The following FLRT2 variants were observed in gnomAD, a reference collection of about 807,000 sequenced individuals.
The protein encoded by FLRT2 is fibronectin leucine rich transmembrane protein 2.
FLRT2 carries 15 observed loss-of-function variants against 40.0 expected under a neutral mutation model. That is an observed-to-expected ratio of 0.38 (90% CI 0.25 to 0.58). The LOEUF is 0.58. FLRT2 is among the 20% of genes least tolerant of loss of function. FLRT2 has a pLI of 0.71. For synonymous variants in FLRT2, 380 were observed against 336.8 expected (o/e 1.13, Z -1.41); for missense variants, 726 against 840.0 (o/e 0.86, Z 1.68).
Position 85,643,285 on chromosome 14 carries a change from TC to T in FLRT2, c.*19789del, listed in dbSNP as rs1292001485. Reference sequence around the variant, plus strand: ...CTCATGAGAGAGTTCAGAGGGTATTTCTTTTTTTTCTTTCTTTCTTTCTTTC... The same window carrying T: ...CTCATGAGAGAGTTCAGAGGGTATTTTTTTTTTTCTTTCTTTCTTTCTTTC... On this transcript the variant is annotated 3_prime_UTR_variant, in exon 2 of 2. Coordinates refer to ENST00000330753, the MANE Select transcript of FLRT2 (RefSeq NM_013231.6). The T allele has an allele frequency of 6.7e-6, 1 of 148,210 alleles. No individual in the cohort carries two copies. Among genetic ancestry groups the T allele is most frequent in the Admixed American group, 6.7e-5 (1 of 14,868 alleles). 9.2% of individuals were successfully genotyped at this position (148,210 alleles called of 1,614,324 possible).
rs57402756 is a variant in FLRT2 at position 85,627,578 on chromosome 14, A to ACG, written c.*4082_*4083insGC. 3.4e-5 allele frequency: 2 copies of ACG among 58,054 alleles called. No individual in the cohort carries two copies. The highest frequency in any genetic ancestry group is 9.2e-5 in the Non-Finnish European group (2 of 21,754). The allele number at this position is 58,054 out of a possible 1,614,324, so 3.6% of individuals were successfully genotyped here. Reference sequence around the variant, plus strand: ...TATTATCAAACATGCACATGCTTGTACACACACACACACACACACACAAAC... The same window carrying ACG: ...TATTATCAAACATGCACATGCTTGTACGCACACACACACACACACACACAAAC... On this transcript the variant is annotated 3_prime_UTR_variant, in exon 2 of 2. Transcript: ENST00000330753.
intron 1 of FLRT2, among the ~76,000 whole-genome samples, chr14:85,538,285 A>T (rs1046592648): frequency 6.6e-6 from 1 of 152,162 alleles, no homozygotes. Context: ...TTGGAAAGTC[A>T]AAAGGACACG....
chr14:85,567,420 G>T (rs1384804438), intron 1 of FLRT2, among the ~76,000 whole-genome samples: 1 of 152,100 alleles, frequency 6.6e-6, no homozygotes, highest in East Asian at 1.9e-4. Context: ...ACATTATGCT[G>T]GTTAAGAGCA....
chr14:85,541,635 G>C (rs1888990370), intron 1 of FLRT2, among the ~76,000 whole-genome samples: 1 of 152,132 alleles, frequency 6.6e-6, no homozygotes, highest in Admixed American at 6.6e-5. Context: ...CATAGGAGAG[G>C]CCTAATGAAT....
rs1306323249 is a variant in FLRT2, at chr14:85,647,649, G to A, written c.*24152G>A. 1 of 126,630 alleles carries A rather than the reference G, an allele frequency of 7.9e-6. No homozygotes were observed. Among genetic ancestry groups the A allele is most frequent in the Non-Finnish European group, 1.6e-5 (1 of 61,196 alleles). The allele number at this position is 126,630 out of a possible 1,614,324, so 7.8% of individuals were successfully genotyped here. On this transcript the variant is annotated 3_prime_UTR_variant, in exon 2 of 2. Coordinates refer to ENST00000330753, the MANE Select transcript of FLRT2 (RefSeq NM_013231.6). ...TGGAACAATTGGTCCTGATTATTAA[G>A]GAGAGTAAGTTTTTCCTACAAAGAG...
intron 1 of FLRT2, among the ~76,000 whole-genome samples, chr14:85,587,582 T>A (rs1346239866): frequency 6.6e-6 from 1 of 152,218 alleles, no homozygotes; most frequent in East Asian, 1.9e-4. Flanking sequence ...CATGAATTTT[T>A]TTTTTTTCTA....
intron 1 of FLRT2, among the ~76,000 whole-genome samples, chr14:85,542,834 A>C (rs995673411): frequency 1.3e-5 from 2 of 152,174 alleles, no homozygotes; most frequent in Non-Finnish European, 2.9e-5. Context: ...GATTTGACAA[A>C]GATTGAGTCC....
At chr14:85,538,860 G>A (rs571417813) in intron 1 of FLRT2, among the ~76,000 whole-genome samples, 1 of 152,208 alleles carries the variant, frequency 6.6e-6, no homozygotes, top group African/African-American at 2.4e-5. Context: ...GTCACTCTTA[G>A]CCCCAGCTGC....
intron 1 of FLRT2, among the ~76,000 whole-genome samples, chr14:85,583,632 G>C (rs551570390): frequency 4.1e-4 from 62 of 152,220 alleles, no homozygotes; most frequent in African/African-American, 1.4e-3. Context: ...AGAGCTCCTG[G>C]TCCGCTTAAA....
In FLRT2 at chr14:85,628,505, T is replaced by C. The variant is rs1406489516; in HGVS notation, c.*5008T>C. ...CATAGTACTTTTCTGCCGCAGAATT[T>C]ATAGCACATCTGTCCATCCTTTCAA... On this transcript the variant is annotated 3_prime_UTR_variant, in exon 2 of 2. Transcript: ENST00000330753. The C allele has an allele frequency of 6.6e-6, 1 of 152,178 alleles. No homozygotes were observed. The allele number at this position is 152,178 out of a possible 1,614,324, so 9.4% of individuals were successfully genotyped here.
At chr14:85,577,236 T>G (rs997346520) in intron 1 of FLRT2, among the ~76,000 whole-genome samples, 1 of 152,208 alleles carries the variant, frequency 6.6e-6, no homozygotes, top group African/African-American at 2.4e-5. Context: ...AGTAGAAAAC[T>G]ACAAAGCTGG....
chr14:85,632,775 G>C lies in FLRT2; in HGVS notation c.*9278G>C, dbSNP rs1293607793. ...TGATATGCTTGTAAAGAAGGGAGTG[G>C]AGAGTGGTAGTTATTAAGAAATCAG... On this transcript the variant is annotated 3_prime_UTR_variant, in exon 2 of 2. Coordinates refer to ENST00000330753, the MANE Select transcript of FLRT2 (RefSeq NM_013231.6). The C allele has an allele frequency of 1.3e-5, 2 of 152,204 alleles. No individual in the cohort carries two copies. Among genetic ancestry groups the C allele is most frequent in the African/African-American group, 4.8e-5 (2 of 41,442 alleles). The allele number at this position is 152,204 out of a possible 1,614,324, so 9.4% of individuals were successfully genotyped here. A position where few individuals can be genotyped will look rare whatever the true frequency, so the allele number is the denominator to read the frequency against.
Position 85,649,605 on chromosome 14 carries a change from T to A in FLRT2, c.*26108T>A, listed in dbSNP as rs930068261. On this transcript the variant is annotated 3_prime_UTR_variant, in exon 2 of 2. Coordinates refer to ENST00000330753, the MANE Select transcript of FLRT2 (RefSeq NM_013231.6). ...AAGCTCAGAATCAAAACCAGAATGT[T>A]GTTTTGATCATACTGGTTTTAGGCA... 1 of 152,114 alleles carries A rather than the reference T, an allele frequency of 6.6e-6. No individual in the cohort carries two copies. Among genetic ancestry groups the A allele is most frequent in the East Asian group, 1.9e-4 (1 of 5,194 alleles). 9.4% of individuals were successfully genotyped at this position (152,114 alleles called of 1,614,324 possible).
chr14:85,590,758 T>A (rs983244227), intron 1 of FLRT2, among the ~76,000 whole-genome samples: 1 of 152,042 alleles, frequency 6.6e-6, no homozygotes, highest in African/African-American at 2.4e-5. Context: ...CCACCATGCC[T>A]GGCTAATTTT....
chr14:85,639,158 C>A lies in FLRT2; in HGVS notation c.*15661C>A, dbSNP rs1013013824. 2 of 152,118 alleles carry A rather than the reference C, an allele frequency of 1.3e-5. No individual in the cohort carries two copies. Among genetic ancestry groups the A allele is most frequent in the African/African-American group, 4.8e-5 (2 of 41,428 alleles). 9.4% of individuals were successfully genotyped at this position (152,118 alleles called of 1,614,324 possible). A position where few individuals can be genotyped will look rare whatever the true frequency, so the allele number is the denominator to read the frequency against. On this transcript the variant is annotated 3_prime_UTR_variant, in exon 2 of 2. Transcript: ENST00000330753. ...TCATGATCCAGTTATTTTAAGGATA[C>A]CTGCAGGATCCCACAGGTTTTCTCA...
At chr14:85,550,494 A>C (rs187824021) in intron 1 of FLRT2, among the ~76,000 whole-genome samples, 1 of 152,332 alleles carries the variant, frequency 6.6e-6, no homozygotes, top group East Asian at 1.9e-4. Flanking sequence ...TGGATAACTA[A>C]TGTAATTACA....
At chr14:85,616,339 T>A (rs1305536767) in intron 1 of FLRT2, among the ~76,000 whole-genome samples, 1 of 152,058 alleles carries the variant, frequency 6.6e-6, no homozygotes, top group Non-Finnish European at 1.5e-5. Context: ...AAAAAACCCT[T>A]TTCCTTTTGA....
intron 1 of FLRT2, among the ~76,000 whole-genome samples, chr14:85,589,720 T>G (rs750257411): frequency 2.0e-4 from 31 of 152,322 alleles, no homozygotes; most frequent in Non-Finnish European, 3.7e-4. Context: ...CTAGGTTTTC[T>G]TATGGTAGTT....
intron 1 of FLRT2, among the ~76,000 whole-genome samples, chr14:85,606,104 C>T (rs1174327233): frequency 6.6e-6 from 1 of 152,124 alleles, no homozygotes; most frequent in African/African-American, 2.4e-5. Flanking sequence ...TATTGCCCAA[C>T]CAAATATTTC....
Sources: allele counts gnomAD v4.1 joint callset (sites outside exome capture counted in the v4.1 genomes callset), GRCh38; gene constraint gnomAD v4.1.1; transcripts MANE v1.5; gene names NCBI Gene and HGNC (gene_info 2026-07-23, HGNC 2026-07-21).